Variants in CBFA2T2 observed in about 807,000 individuals in gnomAD.
The protein encoded by CBFA2T2 is protein CBFA2T2.
A neutral mutation model predicts 62.2 loss-of-function variants in CBFA2T2; 11 were observed. That is an observed-to-expected ratio of 0.18 (90% CI 0.11 to 0.29). The LOEUF (loss-of-function observed/expected upper bound fraction) is 0.29. Ranked by LOEUF, CBFA2T2 falls within the 10% of genes least tolerant of loss-of-function variation. The pLI, the probability that CBFA2T2 is intolerant of heterozygous loss-of-function variation, is 1.00. For missense variants in CBFA2T2, 592 were observed against 774.1 expected (o/e 0.76, Z 2.79); for synonymous variants, 295 against 287.5 (o/e 1.03, Z -0.27).
intron 1 of CBFA2T2, among the ~76,000 whole-genome samples, chr20:33,593,376 A>G (rs897117054): frequency 2.7e-5 from 4 of 150,288 alleles, no homozygotes; most frequent in African/African-American, 9.8e-5. Context: ...ACTGATTTGC[A>G]AATCTCTTGA....
At chr20:33,502,332 C>G (rs1422342889) in intron 1 of CBFA2T2, among the ~76,000 whole-genome samples, 1 of 152,102 alleles carries the variant, frequency 6.6e-6, no homozygotes, top group Non-Finnish European at 1.5e-5. Context: ...TTGACACATT[C>G]CCACATTTTT....
At chr20:33,582,665 G>C (rs1005903335) in intron 1 of CBFA2T2, among the ~76,000 whole-genome samples, 1 of 151,940 alleles carries the variant, frequency 6.6e-6, no homozygotes, top group Non-Finnish European at 1.5e-5. Context: ...TACTATGCCG[G>C]GTGCGGTGAC....
intron 1 of CBFA2T2, among the ~76,000 whole-genome samples, chr20:33,594,878 A>G (rs551549364): frequency 1.2e-3 from 185 of 152,322 alleles, no homozygotes; most frequent in Non-Finnish European, 2.3e-3. Context: ...ATCAAATTTA[A>G]TTTAAGTCTT....
At chr20:33,605,708 A>G (rs925892858) in intron 1 of CBFA2T2, among the ~76,000 whole-genome samples, 5 of 152,208 alleles carry the variant, frequency 3.3e-5, no homozygotes, top group Non-Finnish European at 5.9e-5. Flanking sequence ...TTTTTGAACA[A>G]TGTATAGCAT....
At chr20:33,627,124 G>A (rs113527728) in intron 6 of CBFA2T2, among the ~76,000 whole-genome samples, 64 of 152,228 alleles carry the variant, frequency 4.2e-4, no homozygotes, top group African/African-American at 1.4e-3. Flanking sequence ...GCGGTCTGGC[G>A]TGGTGGTTCA....
chr20:33,626,024 C>T (rs2016211279), intron 6 of CBFA2T2, among the ~76,000 whole-genome samples: 1 of 152,150 alleles, frequency 6.6e-6, no homozygotes, highest in South Asian at 2.1e-4. Context: ...ATGGCGTGAA[C>T]CCAGAAGGCG....
At chr20:33,598,000 G>A (rs1601034810) in intron 1 of CBFA2T2, among the ~76,000 whole-genome samples, 1 of 152,078 alleles carries the variant, frequency 6.6e-6, no homozygotes, top group African/African-American at 2.4e-5. Context: ...CCCACAAGCC[G>A]CAAAAACCAG....
At chr20:33,554,545 G>A (rs531839354) in intron 1 of CBFA2T2, among the ~76,000 whole-genome samples, 24 of 149,832 alleles carry the variant, frequency 1.6e-4, no homozygotes, top group Admixed American at 4.0e-4. Context: ...CACTGCGCCC[G>A]GCCTATTTTT....
chr20:33,596,974 GAGT>G (rs1383706890), intron 1 of CBFA2T2, among the ~76,000 whole-genome samples: 2 of 141,662 alleles, frequency 1.4e-5, no homozygotes. Context: ...AACCAGGCTA[GAGT>G]ACAGTGGCAC....
intron 1 of CBFA2T2, among the ~76,000 whole-genome samples, chr20:33,572,068 T>C (rs995809460): frequency 1.3e-5 from 2 of 152,206 alleles, no homozygotes; most frequent in South Asian, 4.1e-4. Flanking sequence ...AATTTTTGCA[T>C]TGTTACTAGA....
chr20:33,556,408 A>G (rs1021094141), intron 1 of CBFA2T2, among the ~76,000 whole-genome samples: 2 of 152,164 alleles, frequency 1.3e-5, no homozygotes, highest in South Asian at 2.1e-4. Context: ...GTGTGTCTCA[A>G]TATTAGTGAT....
intron 1 of CBFA2T2, among the ~76,000 whole-genome samples, chr20:33,602,124 AT>A (rs2015164012): frequency 6.6e-6 from 1 of 152,126 alleles, no homozygotes; most frequent in South Asian, 2.1e-4. Flanking sequence ...ATTCTAATAT[AT>A]TTTAAAATAT....
intron 1 of CBFA2T2, among the ~76,000 whole-genome samples, chr20:33,555,830 G>A (rs1373292740): frequency 6.6e-6 from 1 of 152,144 alleles, no homozygotes; most frequent in Non-Finnish European, 1.5e-5. Context: ...TAACTGGCAT[G>A]TCTCTTTCTT....
Position 33,625,018 on chromosome 20 carries a change from G to A in CBFA2T2, c.946+1G>A. The A allele has an allele frequency of 1.2e-6, 2 of 1,609,842 alleles. No individual in the cohort carries two copies. Among genetic ancestry groups the A allele is most frequent in the Non-Finnish European group, 1.7e-6 (2 of 1,176,430 alleles). On this transcript the variant is annotated splice_donor_variant, in intron 6 of 10. Transcript: ENST00000342704. LOFTEE classifies it high-confidence loss of function. ...GTTCGTGATAGACACCACAGTCTTG[G>A]TAAGCAACCGAAGCAGCATGGTAAA...
chr20:33,530,947 G>A (rs2012042637), intron 1 of CBFA2T2, among the ~76,000 whole-genome samples: 1 of 152,086 alleles, frequency 6.6e-6, no homozygotes, highest in Admixed American at 6.5e-5. Context: ...GGGTGTGGTG[G>A]CAGGCGCCTG....
At chr20:33,625,125 A>G (rs1246110421) in intron 6 of CBFA2T2, 108 bp downstream of exon 6, 3 of 1,084,836 alleles carry the variant, frequency 2.8e-6, no homozygotes, top group Non-Finnish European at 4.0e-6. Context: ...GATTGGATAA[A>G]ACAATATTAT....
At chr20:33,514,373 C>A (rs2011565203) in intron 1 of CBFA2T2, among the ~76,000 whole-genome samples, 1 of 151,820 alleles carries the variant, frequency 6.6e-6, no homozygotes, top group African/African-American at 2.4e-5. Context: ...TGCTACCACA[C>A]CGAGCTAATT....
chr20:33,593,573 A>C (rs1052537310), intron 1 of CBFA2T2, among the ~76,000 whole-genome samples: 1 of 151,550 alleles, frequency 6.6e-6, no homozygotes, highest in Non-Finnish European at 1.5e-5. Flanking sequence ...TTGTATTTTC[A>C]CTAGAGACGG....
chr20:33,554,096 C>A (rs145430097), intron 1 of CBFA2T2, among the ~76,000 whole-genome samples: 1 of 151,894 alleles, frequency 6.6e-6, no homozygotes, highest in Non-Finnish European at 1.5e-5. Context: ...ATTTTTGCAA[C>A]CTGATGCTTG....
Sources: allele counts gnomAD v4.1 joint callset (sites outside exome capture counted in the v4.1 genomes callset), GRCh38; gene constraint gnomAD v4.1.1; transcripts MANE v1.5; gene names NCBI Gene and HGNC (gene_info 2026-07-23, HGNC 2026-07-21).